The following PLCD1 variants were observed in gnomAD, a reference collection of about 807,000 sequenced individuals.
PLCD1 encodes the protein phospholipase C delta 1.
Under a neutral mutation model 87.4 loss-of-function variants are expected in PLCD1, and 71 were observed. The observed-to-expected ratio is 0.81, with a 90% CI of 0.67 to 0.99. The LOEUF (loss-of-function observed/expected upper bound fraction) is 0.99, where lower values mean the gene tolerates loss of function less well. Ranked by LOEUF, PLCD1 falls within the 50% of genes least tolerant of loss-of-function variation. The pLI is 0.00. For synonymous variants in PLCD1, 348 were observed against 399.2 expected (o/e 0.87, Z 1.53); for missense variants, 867 against 1,001.5 (o/e 0.87, Z 1.81).
rs757502292 is a variant in PLCD1, at chr3:38,010,121, G to A, written c.1137+10C>T. The A allele has an allele frequency of 6.2e-7, 1 of 1,614,246 alleles. No individual in the cohort carries two copies. Reference sequence around the variant, plus strand: ...GCATCCCACTCCTCACCTGCCAGGGGCACTCCCACCTTGAAGGCATAGTCC... The same window carrying A: ...GCATCCCACTCCTCACCTGCCAGGGACACTCCCACCTTGAAGGCATAGTCC... On this transcript the variant is annotated intron_variant, in intron 7 of 14. Coordinates refer to ENST00000334661, the MANE Select transcript of PLCD1 (RefSeq NM_006225.4).
intron 2 of PLCD1, among the ~76,000 whole-genome samples, chr3:38,019,382 A>G (rs1184867536): frequency 6.6e-6 from 1 of 152,252 alleles, no homozygotes; most frequent in Non-Finnish European, 1.5e-5. Context: ...ATCAATAGCC[A>G]CAAGTGGCTA....
intron 1 of PLCD1, among the ~76,000 whole-genome samples, chr3:38,020,979 G>A (rs1356363378): frequency 1.3e-5 from 2 of 152,182 alleles, no homozygotes; most frequent in Non-Finnish European, 2.9e-5. Context: ...TCCTGTCTAT[G>A]AAATGGAGAT....
At chr3:38,011,180 G>A (rs547800973) in intron 5 of PLCD1, 34 bp downstream of exon 5, 31 of 1,521,312 alleles carry the variant, frequency 2.0e-5, no homozygotes, top group Middle Eastern at 4.7e-4. Context: ...GCGGCCCTGC[G>A]ACTGCAGGTA....
Position 38,010,160 on chromosome 3 carries a change from G to A in PLCD1, c.1108C>T (p.Leu370Phe), listed in dbSNP as rs1421891498. Residue 370 changes from leucine to phenylalanine, a missense_variant, in exon 7 of 15, where the codon CTC becomes TTC. Leu to Phe is a conservative substitution (Grantham distance 22). Transcript: ENST00000334661. ...FTSKILFCDV[L>F]RAIRDYAFKA... ...AAGGCATAGTCCCGGATGGCCCTGA[G>A]CACATCGCAGAAGAGGATCTTGGAA... The A allele has an allele frequency of 6.2e-7, 1 of 1,614,250 alleles. No individual in the cohort carries two copies.
chr3:38,021,450 C>T lies in PLCD1; in HGVS notation c.35-1098G>A, dbSNP rs547176697. The stretch of plus-strand genomic sequence containing the variant: ...TCAGAGGTGTGGGCTCCCAAAGATG[C>T]GATGCCCTCAGTCCTACCAGGCCCA... On this transcript the variant is annotated intron_variant, in intron 1 of 14. Transcript: ENST00000334661. 8.4e-4 allele frequency among the ~76,000 whole-genome samples: 128 copies of T among 152,262 alleles called. 1 individual carries two copies. In the South Asian group the frequency reaches 0.025, roughly 30 times the overall value.
intron 3 of PLCD1, among the ~76,000 whole-genome samples, chr3:38,013,874 C>T (rs565171143): frequency 6.6e-6 from 1 of 152,254 alleles, no homozygotes; most frequent in African/African-American, 2.4e-5. Context: ...TGCTCAAAAG[C>T]ACACAGAAAA....
In PLCD1 at chr3:38,025,324, C is replaced by A. The variant is rs1434298644; in HGVS notation, c.34+4182G>T. The stretch of plus-strand genomic sequence containing the variant: ...TCTAACGCCACCTTTGAGGCTGGCG[C>A]AGAACCGAAGGGCTGAGTCTGGGGA... On this transcript the variant is annotated intron_variant, in intron 1 of 14. Transcript: ENST00000334661. This position sits in a 1 kb window ranked among gnomAD's most constrained non-coding sequence, Gnocchi z 4.0. Among the ~76,000 whole-genome samples the A allele has an allele frequency of 6.6e-6, 1 of 152,164 alleles. No individual in the cohort carries two copies. Among genetic ancestry groups the A allele is most frequent in the African/African-American group, 2.4e-5 (1 of 41,442 alleles).
At chr3:38,013,453 T>A (rs111851776) in intron 3 of PLCD1, among the ~76,000 whole-genome samples, 1 of 152,158 alleles carries the variant, frequency 6.6e-6, no homozygotes, top group Non-Finnish European at 1.5e-5. Context: ...GACCTGGTGA[T>A]CCACCTGCCT....
intron 2 of PLCD1, 134 bp from the exon 3 acceptor site, chr3:38,016,853 G>T: frequency 1.4e-6 from 1 of 722,680 alleles, no homozygotes; most frequent in South Asian, 1.5e-5. Context: ...CTCAGGCCTT[G>T]AGTCCAGAAG....
In PLCD1 at chr3:38,020,124, T is replaced by C. The variant is rs1575355026; in HGVS notation, c.199+64A>G. The C allele has an allele frequency of 5.5e-6, 8 of 1,443,772 alleles. No individual in the cohort carries two copies. The East Asian group carries it at 1.8e-4, about 33-fold the overall frequency. 89.4% of individuals were successfully genotyped at this position (1,443,772 alleles called of 1,614,324 possible). A position where few individuals can be genotyped will look rare whatever the true frequency, so the allele number is the denominator to read the frequency against. The stretch of plus-strand genomic sequence containing the variant: ...GGTTTTGATCCATGACTGACCTTTG[T>C]ATTTACCCAGCCCTGAGCAGATTCC... On this transcript the variant is annotated intron_variant, in intron 2 of 14. Coordinates refer to ENST00000334661, the MANE Select transcript of PLCD1 (RefSeq NM_006225.4).
At position 38,010,437 on chromosome 3, in the gene PLCD1, G is replaced by T. The variant is rs1426109185; in HGVS notation, c.916C>A (p.Leu306Met). Residue 306 changes from leucine (L) to methionine (M), a missense_variant, in exon 6 of 15, where the codon CTG becomes ATG. Physicochemically the swap from Leu to Met is conservative, Grantham distance 15. Coordinates refer to ENST00000334661, the MANE Select transcript of PLCD1 (RefSeq NM_006225.4). Reference sequence around the variant, plus strand: ...TAGGTGTTGTGTGAAGAGGACACCAGGTAGTGGCTAAGTGGCTGGCCCATG... The same window carrying T: ...TAGGTGTTGTGTGAAGAGGACACCATGTAGTGGCTAAGTGGCTGGCCCATG... ...QDMGQPLSHY[L>M]VSSSHNTYLL... 6.2e-7 allele frequency: 1 copy of T among 1,614,244 alleles called. No homozygotes were observed. Among genetic ancestry groups the T allele is most frequent in the South Asian group, 1.1e-5 (1 of 91,090 alleles).
At chr3:38,013,919 G>A (rs1038121620) in intron 3 of PLCD1, among the ~76,000 whole-genome samples, 7 of 152,212 alleles carry the variant, frequency 4.6e-5, no homozygotes, top group African/African-American at 1.4e-4. Flanking sequence ...GTCCCCTAAG[G>A]AGTGGACATA....
At chr3:38,013,995 G>A (rs1158105415) in intron 3 of PLCD1, among the ~76,000 whole-genome samples, 1 of 152,076 alleles carries the variant, frequency 6.6e-6, no homozygotes, top group Non-Finnish European at 1.5e-5. Flanking sequence ...GCAGCAAAGT[G>A]AATAAAATGC....
Position 38,029,509 on chromosome 3 carries a change from G to T in PLCD1, c.31C>A (p.His11Asn). The change falls in exon 1 of 15, where the codon CAC becomes AAC. Residue 11 changes from histidine to asparagine, a missense_variant. By Grantham distance (68) the His-to-Asn change is moderately conservative (BLOSUM62 1). Transcript: ENST00000334661. MDSGRDFLTL[H>N]GLQDDEDLQA... is the part of the protein sequence containing the mutation. ...CTCGCGCGGGCCAGGCACTCACCGT[G>T]CAGGGTCAGGAAGTCCCGGCCCGAG... The T allele has an allele frequency of 1.3e-6, 2 of 1,539,432 alleles. No homozygotes were observed. The highest frequency in any genetic ancestry group is 8.7e-7 in the Non-Finnish European group (1 of 1,146,472).
chr3:38,024,742 T>G, intron 1 of PLCD1: 2 of 1,379,504 alleles, frequency 1.4e-6, no homozygotes, highest in Non-Finnish European at 1.9e-6. Context: ...CGAGGCAAAG[T>G]AAATGAGTGG....
intron 9 of PLCD1, 21 bp downstream of exon 9, chr3:38,009,632 C>T (rs1395523576): frequency 6.2e-7 from 1 of 1,613,734 alleles, no homozygotes; most frequent in African/African-American, 1.3e-5. Context: ...GGCTGCCCCA[C>T]CCCACAGCTC....
Position 38,009,773 on chromosome 3 carries a change from G to T in PLCD1, c.1326C>A (p.Leu442=), listed in dbSNP as rs150254083. 1 of 1,614,014 alleles carries T rather than the reference G, an allele frequency of 6.2e-7. No individual in the cohort carries two copies. Among genetic ancestry groups the T allele is most frequent in the Admixed American group, 1.7e-5 (1 of 60,028 alleles). The change falls in exon 9 of 15, where the codon CTC becomes CTA. Residue 442 remains leucine, a synonymous_variant. Coordinates refer to ENST00000334661, the MANE Select transcript of PLCD1 (RefSeq NM_006225.4). ...KGKILLKGKK[L]GGLLPPGGEG... The stretch of plus-strand genomic sequence containing the variant: ...CCCCTCCAGGGGGCAGGAGCCCCCC[G>T]AGCTTCTTCCCCTTCAGCAGGATCT...
In PLCD1 at chr3:38,008,155, G is replaced by A; in HGVS notation, c.2044C>T (p.Pro682Ser). ...TAVITNNGFN[P>S]WWDTEFAFEV... ...AACGCAAACTCCGTGTCCCACCATG[G>A]GTTGAAACCTAGGGGGACAGGCACC... is the stretch of plus-strand genomic sequence containing the variant. The change falls in exon 14 of 15, where the codon CCA (proline) becomes TCA (serine). Residue 682 changes from proline (P) to serine (S), a missense_variant. Physicochemically the swap from Pro to Ser is moderately conservative, Grantham distance 74. Transcript: ENST00000334661. 1 of 1,613,812 alleles carries A rather than the reference G, an allele frequency of 6.2e-7. No homozygotes were observed. Among genetic ancestry groups the A allele is most frequent in the Non-Finnish European group, 8.5e-7 (1 of 1,180,026 alleles).
chr3:38,007,776 G>C lies in PLCD1; in HGVS notation c.2268C>G (p.Asp756Glu). The change falls in exon 15 of 15, where the codon GAC becomes GAG. Residue 756 changes from aspartate to glutamate, a missense_variant. Transcript: ENST00000334661. ...ATLFVKISLQ[D>E] ...GACCCCACTGGCTTCCTCCAGCCTA[G>C]TCCTGGAGGGAGATCTTCACAAAGA... 1 of 1,611,562 alleles carries C rather than the reference G, an allele frequency of 6.2e-7. No individual in the cohort carries two copies. Among genetic ancestry groups the C allele is most frequent in the South Asian group, 1.1e-5 (1 of 91,032 alleles).
Sources: allele counts gnomAD v4.1 joint callset (sites outside exome capture counted in the v4.1 genomes callset), GRCh38; gene constraint gnomAD v4.1.1; non-coding constraint Gnocchi (gnomAD v3.1); transcripts MANE v1.5; gene names NCBI Gene and HGNC (gene_info 2026-07-23, HGNC 2026-07-21).